TRPS1: variants seen among roughly 807,000 people sequenced by gnomAD.
TRPS1 encodes transcriptional repressor GATA binding 1.
In TRPS1, 6 loss-of-function variants were observed where a neutral mutation model predicts 101.2. The observed-to-expected ratio is 0.06, with a 90% confidence interval of 0.03 to 0.12. TRPS1 has a LOEUF of 0.12. Among genes scored for constraint, TRPS1 ranks in the 10% least tolerant of loss-of-function variants. The pLI is 1.00. For missense variants in TRPS1, 1,363 were observed against 1,567.0 expected (o/e 0.87, Z 2.20); for synonymous variants, 578 against 589.8 (o/e 0.98, Z 0.29).
intron 4 of TRPS1, among the ~76,000 whole-genome samples, chr8:115,590,138 A>G (rs1234509045): frequency 2.0e-5 from 3 of 151,998 alleles, no homozygotes; most frequent in Non-Finnish European, 4.4e-5. Flanking sequence ...AACAACAACA[A>G]CAAAAAAAAC....
intron 5 of TRPS1, among the ~76,000 whole-genome samples, chr8:115,429,550 T>C (rs1813269777): frequency 1.3e-5 from 2 of 152,156 alleles, no homozygotes; most frequent in African/African-American, 4.8e-5. Flanking sequence ...TCAAGCATTC[T>C]GGAGAGTGCC....
At chr8:115,526,838 T>C (rs1277545943) in intron 5 of TRPS1, among the ~76,000 whole-genome samples, 1 of 152,162 alleles carries the variant, frequency 6.6e-6, no homozygotes, top group African/African-American at 2.4e-5. Flanking sequence ...ACACTGCCAG[T>C]AGCCCAATTT....
intron 5 of TRPS1, among the ~76,000 whole-genome samples, chr8:115,443,040 G>A (rs372388931): frequency 1.3e-5 from 2 of 151,938 alleles, no homozygotes; most frequent in East Asian, 1.9e-4. Flanking sequence ...AGCTTGCAGC[G>A]AGCCGAGATC....
chr8:115,414,447 T>C lies in TRPS1; in HGVS notation c.3461A>G (p.Tyr1154Cys), dbSNP rs756910279. ...CAGATTGAAGGTGGGATAAGGCACA[T>C]AGTTTTGGCAAGGATTTGGTAGGCC... The part of the protein sequence containing the change: ...VPGLPNPCQN[Y>C]VPYPTFNLPP... Residue 1154 changes from tyrosine (Y) to cysteine (C), a missense_variant, in exon 7 of 7, where the codon TAT (tyrosine) becomes TGT (cysteine). Coordinates refer to ENST00000395715, the MANE Select transcript of TRPS1 (RefSeq NM_014112.5). This position sits in a 1 kb window ranked among gnomAD's most constrained non-coding sequence, Gnocchi z 4.8. 7.4e-6 allele frequency: 12 copies of C among 1,613,922 alleles called. No homozygotes were observed. In the Admixed American group the frequency reaches 8.3e-5, roughly 11 times the overall value.
intron 5 of TRPS1, among the ~76,000 whole-genome samples, chr8:115,561,989 A>C (rs1816956218): frequency 6.6e-6 from 1 of 152,092 alleles, no homozygotes; most frequent in Non-Finnish European, 1.5e-5. Flanking sequence ...ATGATGAACG[A>C]AGAATTACGT....
intron 5 of TRPS1, among the ~76,000 whole-genome samples, chr8:115,491,943 C>G (rs771681776): frequency 1.3e-5 from 2 of 151,922 alleles, no homozygotes; most frequent in Non-Finnish European, 2.9e-5. Context: ...AGCAAATATC[C>G]TAGGGATATG....
intron 5 of TRPS1, among the ~76,000 whole-genome samples, chr8:115,490,060 C>G (rs1036306629): frequency 2.0e-5 from 3 of 152,076 alleles, no homozygotes; most frequent in African/African-American, 7.2e-5. Flanking sequence ...GTTATCTCTA[C>G]ATTTTATTCC....
At chr8:115,609,333 T>C (rs191954941) in intron 3 of TRPS1, among the ~76,000 whole-genome samples, 23 of 152,270 alleles carry the variant, frequency 1.5e-4, no homozygotes, top group Admixed American at 7.2e-4. Context: ...CTCACACACT[T>C]GTCACTATCA....
intron 5 of TRPS1, among the ~76,000 whole-genome samples, chr8:115,425,496 C>T (rs758599672): frequency 6.6e-6 from 1 of 152,200 alleles, no homozygotes; most frequent in Non-Finnish European, 1.5e-5. Flanking sequence ...TGAGGCAATA[C>T]ATACTCCAGT....
chr8:115,629,783 C>T (rs1266152012), intron 1 of TRPS1, among the ~76,000 whole-genome samples: 1 of 151,844 alleles, frequency 6.6e-6, no homozygotes, highest in Non-Finnish European at 1.5e-5. Flanking sequence ...ATCTATCCCA[C>T]ATGCTCCTCC....
chr8:115,509,781 G>C (rs910853167), intron 5 of TRPS1: 1 of 151,746 alleles, frequency 6.6e-6, no homozygotes, highest in South Asian at 2.1e-4. Flanking sequence ...AGTGTCTCAT[G>C]GTGCCTTAGG....
At chr8:115,622,862 G>A (rs1818427456) in intron 2 of TRPS1, among the ~76,000 whole-genome samples, 1 of 152,098 alleles carries the variant, frequency 6.6e-6, no homozygotes, top group Non-Finnish European at 1.5e-5. Context: ...GCCAGGGTGA[G>A]CGATTAGGAA....
intron 5 of TRPS1, among the ~76,000 whole-genome samples, chr8:115,562,045 AATACAT>A (rs1816957548): frequency 6.6e-6 from 1 of 152,136 alleles, no homozygotes; most frequent in Admixed American, 6.6e-5. Flanking sequence ...AAGCAGTTAT[AATACAT>A]CAAGACGATA....
At chr8:115,565,693 T>C (rs1817052476) in intron 5 of TRPS1, among the ~76,000 whole-genome samples, 1 of 152,060 alleles carries the variant, frequency 6.6e-6, no homozygotes, top group Admixed American at 6.6e-5. Flanking sequence ...CGTAAAGTTG[T>C]CTCTCCAAGG....
intron 5 of TRPS1, among the ~76,000 whole-genome samples, chr8:115,421,825 A>G (rs1813070139): frequency 1.3e-5 from 2 of 152,170 alleles, no homozygotes; most frequent in Admixed American, 6.5e-5. Flanking sequence ...ACTGTGTACA[A>G]TGTAACCTGG....
intron 5 of TRPS1, among the ~76,000 whole-genome samples, chr8:115,483,530 C>T (rs1181501334): frequency 2.6e-5 from 1 of 38,110 alleles, no homozygotes; most frequent in Non-Finnish European, 6.4e-5. Flanking sequence ...GAGACCTTGT[C>T]TCAAAAAAAA....
chr8:115,421,223 GAT>G (rs1813045759), intron 5 of TRPS1, among the ~76,000 whole-genome samples: 1 of 151,954 alleles, frequency 6.6e-6, no homozygotes, highest in Non-Finnish European at 1.5e-5. Context: ...AATCTCAAGT[GAT>G]CTGCCCGCCT....
At chr8:115,591,508 G>C (rs1270596943) in intron 4 of TRPS1, among the ~76,000 whole-genome samples, 1 of 152,106 alleles carries the variant, frequency 6.6e-6, no homozygotes, top group Non-Finnish European at 1.5e-5. Context: ...CCTGAGACAA[G>C]GTGTCTGAGT....
chr8:115,638,262 C>T (rs965005364), intron 1 of TRPS1, among the ~76,000 whole-genome samples: 9 of 151,686 alleles, frequency 5.9e-5, no homozygotes, highest in Non-Finnish European at 1.0e-4. Flanking sequence ...CTCCCAATGA[C>T]TTGCCATCCA....
Sources: gnomAD v4.1 joint callset for allele counts (sites outside exome capture counted in the v4.1 genomes callset) on GRCh38, gnomAD v4.1.1 for gene constraint, Gnocchi (gnomAD v3.1) non-coding constraint, MANE v1.5 for transcripts, NCBI Gene and HGNC (gene_info 2026-07-23, HGNC 2026-07-21) for gene names.